DRC11: variants seen among roughly 807,000 people sequenced by gnomAD.
The protein encoded by DRC11 is dynein regulatory complex subunit 11.
the DRC11 span, among the ~76,000 whole-genome samples, chr2:236,311,445 T>C: frequency 6.6e-6 from 1 of 152,144 alleles, no homozygotes; most frequent in African/African-American, 2.4e-5. The surrounding 1 kb of genome is among the most constrained non-coding windows in gnomAD (Gnocchi z 6.9). Context: ...TTATCAAGAG[T>C]GAGCCTTGTC....
the DRC11 span, among the ~76,000 whole-genome samples, chr2:236,327,532 A>G: frequency 6.7e-6 from 1 of 150,318 alleles, no homozygotes; most frequent in Non-Finnish European, 1.5e-5. Context: ...GGCATGAGCC[A>G]CCGTGTTCAG....
chr2:236,504,201 G>GGT, the DRC11 span, among the ~76,000 whole-genome samples: 17 of 150,968 alleles, frequency 1.1e-4, no homozygotes, highest in Non-Finnish European at 2.5e-4. This position sits in a 1 kb window ranked among gnomAD's most constrained non-coding sequence, Gnocchi z 5.0. Context: ...CACGGCGGTG[G>GGT]GGGGGGGCGT....
chr2:236,370,442 C>T, the DRC11 span, among the ~76,000 whole-genome samples: 1 of 152,124 alleles, frequency 6.6e-6, no homozygotes, highest in East Asian at 1.9e-4. This position sits in a 1 kb window ranked among gnomAD's most constrained non-coding sequence, Gnocchi z 5.5. Context: ...GGAGAGATTC[C>T]TTGAGCCTGG....
the DRC11 span, chr2:236,364,027 G>C: frequency 6.5e-7 from 1 of 1,537,820 alleles, no homozygotes; most frequent in South Asian, 1.2e-5. Context: ...AAGAAAATCA[G>C]TGGTTCTTCA....
the DRC11 span, among the ~76,000 whole-genome samples, chr2:236,464,699 T>C: frequency 6.6e-6 from 1 of 152,086 alleles, no homozygotes; most frequent in African/African-American, 2.4e-5. Context: ...TGATCCCCAG[T>C]GTTGGAGGTG....
At chr2:236,473,910 C>A in the DRC11 span, among the ~76,000 whole-genome samples, 2 of 152,088 alleles carry the variant, frequency 1.3e-5, no homozygotes, top group African/African-American at 2.4e-5. This position sits in a 1 kb window ranked among gnomAD's most constrained non-coding sequence, Gnocchi z 4.8. Context: ...TGCCAAGCAT[C>A]TCCTAAAGAT....
the DRC11 span, chr2:236,487,876 G>A: frequency 4.6e-5 from 25 of 546,166 alleles, no homozygotes; most frequent in Non-Finnish European, 6.6e-5. Context: ...TTTCTGGAAT[G>A]TAATCTAGTT....
the DRC11 span, among the ~76,000 whole-genome samples, chr2:236,499,506 G>A: frequency 2.0e-5 from 3 of 152,182 alleles, no homozygotes; most frequent in Non-Finnish European, 4.4e-5. The surrounding 1 kb of genome is among the most constrained non-coding windows in gnomAD (Gnocchi z 4.7). Flanking sequence ...TTGGCTCACT[G>A]CAACCTCCGC....
At chr2:236,318,637 TG>T in the DRC11 span, among the ~76,000 whole-genome samples, 1 of 131,588 alleles carries the variant, frequency 7.6e-6, no homozygotes, top group Admixed American at 7.1e-5. The surrounding 1 kb of genome is among the most constrained non-coding windows in gnomAD (Gnocchi z 7.0). Flanking sequence ...ATATCGTTTG[TG>T]TTTGTATGTG....
the DRC11 span, among the ~76,000 whole-genome samples, chr2:236,310,582 G>C: frequency 6.6e-6 from 1 of 152,208 alleles, no homozygotes; most frequent in East Asian, 1.9e-4. The surrounding 1 kb of genome is among the most constrained non-coding windows in gnomAD (Gnocchi z 5.5). Context: ...ACTTGGGGTT[G>C]AGTGTTCTCA....
chr2:236,449,013 C>G, the DRC11 span, among the ~76,000 whole-genome samples: 1 of 152,002 alleles, frequency 6.6e-6, no homozygotes, highest in East Asian at 1.9e-4. This position sits in a 1 kb window ranked among gnomAD's most constrained non-coding sequence, Gnocchi z 5.1. Context: ...GTGCGTGCCA[C>G]CACGCCTGGC....
chr2:236,323,148 T>C, the DRC11 span, among the ~76,000 whole-genome samples: 3 of 152,266 alleles, frequency 2.0e-5, no homozygotes, highest in Non-Finnish European at 2.9e-5. This position sits in a 1 kb window ranked among gnomAD's most constrained non-coding sequence, Gnocchi z 6.4. Flanking sequence ...GCAGATGTCA[T>C]TGCTTTGCAA....
the DRC11 span, among the ~76,000 whole-genome samples, chr2:236,480,710 C>A: frequency 9.8e-5 from 15 of 152,338 alleles, no homozygotes; most frequent in African/African-American, 3.4e-4. Flanking sequence ...ATGTTGCCAT[C>A]TCATTAGTGT....
chr2:236,380,625 C>T, the DRC11 span: 1 of 1,550,386 alleles, frequency 6.5e-7, no homozygotes, highest in Non-Finnish European at 8.7e-7. This position sits in a 1 kb window ranked among gnomAD's most constrained non-coding sequence, Gnocchi z 4.9. Context: ...TTTTGCCTTT[C>T]TTTCCTTTCT....
the DRC11 span, among the ~76,000 whole-genome samples, chr2:236,477,330 C>T: frequency 1.3e-5 from 2 of 151,888 alleles, no homozygotes; most frequent in African/African-American, 2.4e-5. Flanking sequence ...ATGAAGTAAG[C>T]GAGAAAAAAG....
At chr2:236,315,821 G>C in the DRC11 span, among the ~76,000 whole-genome samples, 3 of 152,128 alleles carry the variant, frequency 2.0e-5, no homozygotes, top group Admixed American at 2.0e-4. The surrounding 1 kb of genome is among the most constrained non-coding windows in gnomAD (Gnocchi z 5.1). Flanking sequence ...CACAAGAGGG[G>C]AACAACACAC....
the DRC11 span, among the ~76,000 whole-genome samples, chr2:236,459,637 G>A: frequency 5.6e-5 from 7 of 125,722 alleles, no homozygotes; most frequent in East Asian, 2.0e-4. Flanking sequence ...ACGTATATAC[G>A]TATATACGTA....
the DRC11 span, among the ~76,000 whole-genome samples, chr2:236,482,003 C>T: frequency 6.9e-6 from 1 of 145,940 alleles, no homozygotes; most frequent in Non-Finnish European, 1.5e-5. This position sits in a 1 kb window ranked among gnomAD's most constrained non-coding sequence, Gnocchi z 4.5. Flanking sequence ...ATGTATAATT[C>T]TAGGTATAAT....
At chr2:236,381,108 C>A in the DRC11 span, among the ~76,000 whole-genome samples, 1 of 152,112 alleles carries the variant, frequency 6.6e-6, no homozygotes, top group Non-Finnish European at 1.5e-5. This position sits in a 1 kb window ranked among gnomAD's most constrained non-coding sequence, Gnocchi z 5.8. Flanking sequence ...CACAAGGGTT[C>A]CACTCTCATG....
Sources: gnomAD v4.1 joint callset for allele counts (sites outside exome capture counted in the v4.1 genomes callset) on GRCh38, gnomAD v4.1.1 for gene constraint, Gnocchi (gnomAD v3.1) non-coding constraint, MANE v1.5 for transcripts, NCBI Gene and HGNC (gene_info 2026-07-23, HGNC 2026-07-21) for gene names.